Variants in TCERG1L observed in about 807,000 individuals in gnomAD.
The protein encoded by TCERG1L is transcription elongation regulator 1-like protein.
A neutral mutation model predicts 56.3 loss-of-function variants in TCERG1L; 37 were observed. The ratio of observed to expected loss-of-function variants is 0.66; its 90% confidence interval spans 0.51 to 0.87. The LOEUF is 0.87. TCERG1L is among the 40% of genes least tolerant of loss of function. The pLI is 0.00. For missense variants in TCERG1L, 799 were observed against 774.2 expected (o/e 1.03, Z -0.38); for synonymous variants, 324 against 326.3 (o/e 0.99, Z 0.08).
intron 8 of TCERG1L, among the ~76,000 whole-genome samples, chr10:131,128,361 G>A (rs1297416144): frequency 6.6e-6 from 1 of 152,164 alleles, no homozygotes; most frequent in African/African-American, 2.4e-5. Flanking sequence ...AAACAGAACA[G>A]ACATGAAAGC....
intron 7 of TCERG1L, among the ~76,000 whole-genome samples, chr10:131,141,868 C>T (rs1845742329): frequency 6.6e-6 from 1 of 152,156 alleles, no homozygotes; most frequent in Admixed American, 6.5e-5. Flanking sequence ...CCAAACACAG[C>T]AAGCTGAGGG....
chr10:131,268,727 T>C (rs7898505), intron 3 of TCERG1L, among the ~76,000 whole-genome samples: 44,277 of 152,194 alleles, frequency 0.29, 7,142 homozygotes, highest in Non-Finnish European at 0.37. Flanking sequence ...ATGGAGACAG[T>C]TTCTGTCCTT....
chr10:131,245,770 G>T (rs900489279), intron 4 of TCERG1L, among the ~76,000 whole-genome samples: 8 of 152,198 alleles, frequency 5.3e-5, no homozygotes, highest in African/African-American at 9.6e-5. Flanking sequence ...GGCGGGAGGG[G>T]TGCAGTGGGT....
chr10:131,276,543 A>T (rs1247552518), intron 3 of TCERG1L, among the ~76,000 whole-genome samples: 1 of 152,228 alleles, frequency 6.6e-6, no homozygotes, highest in East Asian at 1.9e-4. Flanking sequence ...GCAGTAACAG[A>T]GCACAGGAAA....
chr10:131,300,108 GT>G (rs1846744113), intron 3 of TCERG1L, among the ~76,000 whole-genome samples: 1 of 152,040 alleles, frequency 6.6e-6, no homozygotes, highest in African/African-American at 2.4e-5. Context: ...TTGTTTGCTT[GT>G]TAAAAATCTT....
intron 4 of TCERG1L, among the ~76,000 whole-genome samples, chr10:131,245,202 C>A (rs1846018046): frequency 6.6e-6 from 1 of 152,164 alleles, no homozygotes; most frequent in African/African-American, 2.4e-5. Flanking sequence ...GGCACTGTGA[C>A]CCCAACACAC....
intron 4 of TCERG1L, among the ~76,000 whole-genome samples, chr10:131,198,139 A>G (rs528939300): frequency 3.3e-5 from 5 of 152,294 alleles, no homozygotes; most frequent in African/African-American, 4.8e-5. Flanking sequence ...TCTCTGCCCA[A>G]TGGTCTGGGC....
At position 131,116,905 on chromosome 10, in the gene TCERG1L, T is replaced by G. The variant is rs1173804024; in HGVS notation, c.1289A>C (p.Glu430Ala). ...GCCTTTGTCCTCTCTCTTTGCCTCC[T>G]CTGGCTTGGGACTCCCGCAGCCTTC... ...RTEGCGSPKP[E>A]EAKREDKGTR... Residue 430 changes from glutamate to alanine, a missense_variant, in exon 9 of 12, where the codon GAG becomes GCG. Transcript: ENST00000368642. The G allele has an allele frequency of 6.2e-7, 1 of 1,607,184 alleles. No homozygotes were observed. The highest frequency in any genetic ancestry group is 1.3e-5 in the African/African-American group (1 of 74,954).
At chr10:131,281,710 G>T (rs1846456676) in intron 3 of TCERG1L, among the ~76,000 whole-genome samples, 1 of 149,044 alleles carries the variant, frequency 6.7e-6, no homozygotes, top group Non-Finnish European at 1.5e-5. Flanking sequence ...TCCCTATTGG[G>T]AATTTCGTGT....
chr10:131,208,002 G>A (rs544276947), intron 4 of TCERG1L, among the ~76,000 whole-genome samples: 154 of 152,234 alleles, frequency 1.0e-3, no homozygotes, highest in African/African-American at 3.5e-3. Flanking sequence ...CTTCCACAAT[G>A]AGCCAACCCA....
rs1564795350 is a variant in TCERG1L, at chr10:131,118,830, A to AGG, written c.1260-1897_1260-1896insCC. ...CAGTTCTGGTTTTGACGATAGCACC[A>AGG]TGTTCTCCACTGGGGATGATTTTGC... is the stretch of plus-strand genomic sequence containing the variant. On this transcript the variant is annotated intron_variant, in intron 8 of 11. Transcript: ENST00000368642. This position sits in a 1 kb window ranked among gnomAD's most constrained non-coding sequence, Gnocchi z 4.2. Among the ~76,000 whole-genome samples the AGG allele has an allele frequency of 6.6e-6, 1 of 152,148 alleles. No individual in the cohort carries two copies. Among genetic ancestry groups the AGG allele is most frequent in the Non-Finnish European group, 1.5e-5 (1 of 68,044 alleles).
At chr10:131,249,110 C>A (rs1247140098) in intron 4 of TCERG1L, among the ~76,000 whole-genome samples, 1 of 152,238 alleles carries the variant, frequency 6.6e-6, no homozygotes, top group Non-Finnish European at 1.5e-5. Flanking sequence ...GGGAATCCAG[C>A]AGGGACTCAG....
intron 3 of TCERG1L, among the ~76,000 whole-genome samples, chr10:131,291,396 C>CCTTTTTTTT (rs1167056441): frequency 1.5e-5 from 1 of 67,698 alleles, no homozygotes; most frequent in Non-Finnish European, 2.8e-5. Context: ...CCATAAACAG[C>CCTTTTTTTT]ATTTCTTTTT....
chr10:131,206,017 A>G (rs1021243325), intron 4 of TCERG1L, among the ~76,000 whole-genome samples: 1 of 152,200 alleles, frequency 6.6e-6, no homozygotes, highest in Non-Finnish European at 1.5e-5. Flanking sequence ...AGGTCTTACT[A>G]TAGCTCTGTA....
chr10:131,240,352 C>T (rs891071042), intron 4 of TCERG1L, among the ~76,000 whole-genome samples: 1 of 151,490 alleles, frequency 6.6e-6, no homozygotes, highest in Non-Finnish European at 1.5e-5. Context: ...CCCGTTCATT[C>T]GTTCATGCAT....
At chr10:131,117,675 C>T (rs562224520) in intron 8 of TCERG1L, among the ~76,000 whole-genome samples, 1 of 152,260 alleles carries the variant, frequency 6.6e-6, no homozygotes, top group South Asian at 2.1e-4. Flanking sequence ...CCGGGCTGGG[C>T]AGCTCACCAG....
Position 131,298,741 on chromosome 10 carries a change from C to G in TCERG1L, c.670+9470G>C, listed in dbSNP as rs554106204. Among the ~76,000 whole-genome samples the G allele has an allele frequency of 3.3e-5, 5 of 152,284 alleles. No individual in the cohort carries two copies. The East Asian group carries it at 9.6e-4, about 29-fold the overall frequency. ...ACTTTTAATTATTTAAAATTTTTGACTTGTTTTATAGCCTATAATATGGTA... is the reference window on the plus strand; with the variant it reads ...ACTTTTAATTATTTAAAATTTTTGAGTTGTTTTATAGCCTATAATATGGTA... On this transcript the variant is annotated intron_variant, in intron 3 of 11. Coordinates refer to ENST00000368642, the MANE Select transcript of TCERG1L (RefSeq NM_174937.4).
rs932288849 is a variant in TCERG1L, at chr10:131,296,502, T to C, written c.670+11709A>G. ...GTCTTTATTCTTATGCTTTTGCCAATTGCACAAAGCCTTAGTTCCTGGTGA... is the reference window on the plus strand; with the variant it reads ...GTCTTTATTCTTATGCTTTTGCCAACTGCACAAAGCCTTAGTTCCTGGTGA... On this transcript the variant is annotated intron_variant, in intron 3 of 11. Transcript: ENST00000368642. Among the ~76,000 whole-genome samples, 9 of 152,234 alleles carry C rather than the reference T, an allele frequency of 5.9e-5. No individual in the cohort carries two copies. The East Asian group carries it at 1.5e-3, about 26-fold the overall frequency.
intron 4 of TCERG1L, among the ~76,000 whole-genome samples, chr10:131,187,535 T>G (rs1845257574): frequency 6.6e-6 from 1 of 152,142 alleles, no homozygotes; most frequent in Non-Finnish European, 1.5e-5. Flanking sequence ...CGCCCGTGCT[T>G]GAAAATGGGG....
Sources: gnomAD v4.1 joint callset for allele counts (sites outside exome capture counted in the v4.1 genomes callset) on GRCh38, gnomAD v4.1.1 for gene constraint, Gnocchi (gnomAD v3.1) non-coding constraint, MANE v1.5 for transcripts, NCBI Gene and HGNC (gene_info 2026-07-23, HGNC 2026-07-21) for gene names.